The following HERC3 variants were observed in gnomAD, a reference collection of about 807,000 sequenced individuals.
HERC3 encodes the protein probable E3 ubiquitin-protein ligase HERC3.
In HERC3, 58 loss-of-function variants were observed where a neutral mutation model predicts 129.9. The observed-to-expected ratio is 0.45, with a 90% confidence interval of 0.36 to 0.56. HERC3 has a LOEUF of 0.56. Ranked by LOEUF, HERC3 falls within the 20% of genes least tolerant of loss-of-function variation. HERC3 has a pLI of 0.00. For missense variants in HERC3, 835 were observed against 1,244.2 expected (o/e 0.67, Z 4.95); for synonymous variants, 430 against 451.0 (o/e 0.95, Z 0.59).
At chr4:88,585,038 G>T in the HERC3 span, among the ~76,000 whole-genome samples, 10 of 152,274 alleles carry the variant, frequency 6.6e-5, no homozygotes, top group South Asian at 1.5e-3. Flanking sequence ...CAAGATCAAG[G>T]CACCAGCAGA....
chr4:88,604,123 C>A (rs1395175881), intron 2 of HERC3, among the ~76,000 whole-genome samples: 1 of 152,048 alleles, frequency 6.6e-6, no homozygotes, highest in Non-Finnish European at 1.5e-5. Context: ...CGGATTCAAG[C>A]GATTCTCCTA....
At chr4:88,563,438 A>C in the HERC3 span, among the ~76,000 whole-genome samples, 16 of 152,276 alleles carry the variant, frequency 1.1e-4, no homozygotes, top group East Asian at 3.1e-3. Context: ...AGATCATGTG[A>C]TCTGCAAATA....
At chr4:88,558,543 G>T in the HERC3 span, among the ~76,000 whole-genome samples, 3 of 151,972 alleles carry the variant, frequency 2.0e-5, no homozygotes, top group Non-Finnish European at 4.4e-5. Flanking sequence ...CTACATACTG[G>T]GTACAGTGTA....
rs114754748 is a variant in HERC3 at position 88,610,816 on chromosome 4, C to T, written c.226+4767C>T. 4.0e-3 allele frequency among the ~76,000 whole-genome samples: 608 copies of T among 152,318 alleles called. 2 individuals are homozygous for T. The highest frequency in any genetic ancestry group is 0.011 in the African/African-American group (468 of 41,566). ...TCATAATGAATACATCTGAGTGCAA[C>T]GAGACATTTCTCTAGCACAGCCTCC... On this transcript the variant is annotated intron_variant, in intron 3 of 25. Transcript: ENST00000402738.
upstream of HERC3, among the ~76,000 whole-genome samples, chr4:88,589,101 T>C (rs765406844): frequency 1.3e-5 from 2 of 152,124 alleles, no homozygotes; most frequent in Admixed American, 6.5e-5. Flanking sequence ...TGTGCGTGTG[T>C]GTGTGTGTAT....
intron 6 of HERC3, 88 bp from the exon 7 acceptor site, chr4:88,653,954 A>G: frequency 2.1e-6 from 2 of 950,600 alleles, no homozygotes; most frequent in Non-Finnish European, 3.4e-6. Flanking sequence ...TCAGGAATCC[A>G]GGAATCCAAA....
At chr4:88,614,809 C>T (rs967280361) in intron 3 of HERC3, among the ~76,000 whole-genome samples, 2 of 152,154 alleles carry the variant, frequency 1.3e-5, no homozygotes, top group African/African-American at 2.4e-5. Context: ...AATACTCTTA[C>T]AACACAACAA....
the HERC3 span, among the ~76,000 whole-genome samples, chr4:88,554,760 G>A: frequency 6.6e-6 from 1 of 152,188 alleles, no homozygotes; most frequent in Non-Finnish European, 1.5e-5. Flanking sequence ...CATGGGTAGA[G>A]TCAGAATTAT....
At position 88,652,907 on chromosome 4, in the gene HERC3, C is replaced by A. The variant is rs1368634445; in HGVS notation, c.502C>A (p.Gln168Lys). The A allele has an allele frequency of 6.2e-7, 1 of 1,613,572 alleles. No homozygotes were observed. The highest frequency in any genetic ancestry group is 1.1e-5 in the South Asian group (1 of 91,060). Reference protein sequence around the residue: ...FFTWGKNSHGQLGLGKEFPSQ... With the variant: ...FFTWGKNSHGKLGLGKEFPSQ... ...CACCTGGGGAAAGAACAGCCATGGG[C>A]AGCTTGGCTTAGGGAAGGAGTTCCC... Residue 168 changes from glutamine (Q) to lysine (K), a missense_variant, in exon 6 of 26, where the codon CAG becomes AAG. By Grantham distance (53) the Gln-to-Lys change is moderately conservative. Transcript: ENST00000402738.
At chr4:88,586,727 G>A in the HERC3 span, among the ~76,000 whole-genome samples, 1 of 152,174 alleles carries the variant, frequency 6.6e-6, no homozygotes, top group Admixed American at 6.5e-5. Context: ...ACTAAATGTG[G>A]TCAGTGAAAA....
chr4:88,689,668 C>T (rs1052698160), intron 23 of HERC3, among the ~76,000 whole-genome samples: 1 of 151,726 alleles, frequency 6.6e-6, no homozygotes, highest in Non-Finnish European at 1.5e-5. Flanking sequence ...ACCTTCACCT[C>T]CTGGGTTCAA....
intron 10 of HERC3, among the ~76,000 whole-genome samples, chr4:88,660,359 G>A (rs985361294): frequency 6.6e-6 from 1 of 152,060 alleles, no homozygotes; most frequent in Non-Finnish European, 1.5e-5. Context: ...CCGCTACCAT[G>A]CCTGGGTAAT....
chr4:88,604,037 T>G (rs972820997), intron 2 of HERC3, among the ~76,000 whole-genome samples: 11 of 152,076 alleles, frequency 7.2e-5, no homozygotes, highest in Non-Finnish European at 1.3e-4. Flanking sequence ...TTTTTTTTTT[T>G]GATACTGAAT....
At chr4:88,563,661 T>TC in the HERC3 span, among the ~76,000 whole-genome samples, 1 of 126,976 alleles carries the variant, frequency 7.9e-6, no homozygotes, top group African/African-American at 3.2e-5. Flanking sequence ...GTTCCTTCCT[T>TC]TTTTTTTTTT....
chr4:88,667,539 G>A (rs1204119242), intron 13 of HERC3, 51 bp downstream of exon 13: 2 of 919,650 alleles, frequency 2.2e-6, no homozygotes, highest in African/African-American at 1.7e-5. Context: ...TTTTTGTATC[G>A]ATGAATTCAA....
In HERC3 at chr4:88,670,255, A is replaced by G. The variant is rs761738798; in HGVS notation, c.1911+3A>G. 1.9e-6 allele frequency: 3 copies of G among 1,557,062 alleles called. No homozygotes were observed. Among genetic ancestry groups the G allele is most frequent in the Non-Finnish European group, 8.9e-7 (1 of 1,128,536 alleles). On this transcript the variant is annotated splice_donor_region_variant and intron_variant, in intron 16 of 25. Transcript: ENST00000402738. ...GGTTCTTGCATCAAGCAGGGATGGT[A>G]AGAATTCATAAAGCATATTTTAAAG...
chr4:88,565,523 A>G, the HERC3 span, among the ~76,000 whole-genome samples: 1 of 151,946 alleles, frequency 6.6e-6, no homozygotes, highest in Non-Finnish European at 1.5e-5. Context: ...CTTGAAATCT[A>G]TTTTGTCTGA....
intron 23 of HERC3, chr4:88,690,600 TG>T (rs1733976782): frequency 1.0e-6 from 1 of 985,282 alleles, no homozygotes; most frequent in African/African-American, 1.7e-5. Context: ...ATACAGTGGC[TG>T]GGGAAATGAA....
At chr4:88,682,928 C>T (rs1029474841) in intron 21 of HERC3, among the ~76,000 whole-genome samples, 1 of 152,160 alleles carries the variant, frequency 6.6e-6, no homozygotes, top group African/African-American at 2.4e-5. Flanking sequence ...AACTAGTTTA[C>T]AGTCCCATCA....
Sources: allele counts gnomAD v4.1 joint callset (sites outside exome capture counted in the v4.1 genomes callset), GRCh38; gene constraint gnomAD v4.1.1; transcripts MANE v1.5; gene names NCBI Gene and HGNC (gene_info 2026-07-23, HGNC 2026-07-21).